ATP9A: variants seen among roughly 807,000 people sequenced by gnomAD.
ATP9A encodes the protein probable phospholipid-transporting ATPase IIA.
Under a neutral mutation model 144.1 loss-of-function variants are expected in ATP9A, and 52 were observed. The ratio of observed to expected loss-of-function variants is 0.36; its 90% confidence interval spans 0.29 to 0.45. The LOEUF (loss-of-function observed/expected upper bound fraction) is 0.45. Ranked by LOEUF, ATP9A falls within the 20% of genes least tolerant of loss-of-function variation. The probability of loss-of-function intolerance (pLI) is 1.00; values close to 1 mark genes in which losing one functional copy is unlikely to be tolerated. For synonymous variants in ATP9A, 582 were observed against 557.4 expected, an observed-to-expected ratio of 1.04 and a Z score of -0.62; for missense variants, 947 against 1,392.7, an observed-to-expected ratio of 0.68 and a Z score of 5.09.
At chr20:51,677,681 C>G (rs1052915476) in intron 9 of ATP9A, among the ~76,000 whole-genome samples, 1 of 152,122 alleles carries the variant, frequency 6.6e-6, no homozygotes, top group African/African-American at 2.4e-5. Context: ...TCTAACTTGC[C>G]CATTTGGGGA....
chr20:51,632,719 A>G (rs1489739928), intron 15 of ATP9A, among the ~76,000 whole-genome samples: 1 of 152,166 alleles, frequency 6.6e-6, no homozygotes, highest in Non-Finnish European at 1.5e-5. Context: ...CACCAACCCA[A>G]CCAAAGATAA....
At chr20:51,682,283 T>C (rs112423559) in intron 9 of ATP9A, among the ~76,000 whole-genome samples, 1,967 of 152,170 alleles carry the variant, frequency 0.013, 17 homozygotes, top group Non-Finnish European at 0.019. Flanking sequence ...CCAAGCACTA[T>C]GTTTAGGATT....
intron 14 of ATP9A, among the ~76,000 whole-genome samples, chr20:51,641,668 A>G (rs1000224473): frequency 1.4e-5 from 2 of 145,696 alleles, no homozygotes; most frequent in Non-Finnish European, 3.1e-5. Flanking sequence ...AATAAAAATA[A>G]AAAAAATAAA....
intron 1 of ATP9A, among the ~76,000 whole-genome samples, chr20:51,753,718 G>A (rs560046792): frequency 4.8e-5 from 7 of 146,976 alleles, no homozygotes; most frequent in Admixed American, 4.1e-4. Context: ...CCAGGCTAGA[G>A]AGCAGTGGCA....
At chr20:51,712,142 T>C (rs979063143) in intron 4 of ATP9A, among the ~76,000 whole-genome samples, 1 of 148,074 alleles carries the variant, frequency 6.8e-6, no homozygotes, top group Admixed American at 6.7e-5. Context: ...GCGCGGTCTA[T>C]GCTCACTGCA....
At chr20:51,617,369 G>A in intron 22 of ATP9A, 121 bp downstream of exon 22, 2 of 1,044,224 alleles carry the variant, frequency 1.9e-6, no homozygotes, top group Non-Finnish European at 2.9e-6. Context: ...TGTGACACAT[G>A]ATTCCTTATG....
chr20:51,633,823 G>T (rs1673588493), intron 15 of ATP9A, among the ~76,000 whole-genome samples: 1 of 148,562 alleles, frequency 6.7e-6, no homozygotes, highest in Non-Finnish European at 1.5e-5. Flanking sequence ...CAGAAGAAGG[G>T]AAAGAGGGAG....
Position 51,644,323 on chromosome 20 carries a change from A to G in ATP9A, c.1507-4819T>C, listed in dbSNP as rs1226663445. ...AGTCTCACTCTTTTGCCCAGGTTGG[A>G]GTGCAGTGGCGCGATCTCGGCTCAC... On this transcript the variant is annotated intron_variant, in intron 14 of 27. Transcript: ENST00000338821. Among the ~76,000 whole-genome samples, 17 of 115,834 alleles carry G rather than the reference A, an allele frequency of 1.5e-4. No individual in the cohort carries two copies. In the East Asian group the frequency reaches 1.8e-3, roughly 13 times the overall value. The allele number at this position is 115,834 out of a possible 152,430, so 76.0% of individuals were successfully genotyped here.
intron 1 of ATP9A, among the ~76,000 whole-genome samples, chr20:51,745,756 A>G (rs2077805448): frequency 6.6e-6 from 1 of 152,116 alleles, no homozygotes; most frequent in Non-Finnish European, 1.5e-5. Context: ...TCTATACTGC[A>G]CCATCATCCA....
chr20:51,736,745 A>G (rs2077764619), intron 1 of ATP9A, among the ~76,000 whole-genome samples: 1 of 152,094 alleles, frequency 6.6e-6, no homozygotes. Flanking sequence ...AAGGTATATG[A>G]GTTATGTCTC....
intron 13 of ATP9A, among the ~76,000 whole-genome samples, chr20:51,665,814 G>T (rs2122780967): frequency 6.6e-6 from 1 of 151,948 alleles, no homozygotes; most frequent in African/African-American, 2.4e-5. Context: ...CTCTCCTAAT[G>T]TGTTGGCCAT....
intron 22 of ATP9A, among the ~76,000 whole-genome samples, chr20:51,614,864 G>A (rs1057224404): frequency 1.3e-5 from 2 of 152,094 alleles, no homozygotes; most frequent in East Asian, 3.9e-4. Flanking sequence ...AGAGAAACGT[G>A]TTCTACAATA....
chr20:51,687,787 G>C (rs1259346595), intron 9 of ATP9A, among the ~76,000 whole-genome samples: 1 of 151,428 alleles, frequency 6.6e-6, no homozygotes, highest in East Asian at 1.9e-4. Flanking sequence ...ATGAATGAAT[G>C]AATGAATGAA....
rs1487338188 is a variant in ATP9A, at chr20:51,674,305, C to T, written c.885G>A (p.Leu295=). 1.2e-6 allele frequency: 2 copies of T among 1,613,240 alleles called. No individual in the cohort carries two copies. Among genetic ancestry groups the T allele is most frequent in the South Asian group, 2.2e-5 (2 of 91,052 alleles). The change falls in exon 11 of 28, where the codon CTG becomes CTA. Residue 295 remains leucine, a synonymous_variant. Coordinates refer to ENST00000338821, the MANE Select transcript of ATP9A (RefSeq NM_006045.3). ...TGAGGCAGTTCACTTCCAAGTCGAA[C>T]AGGCCGATCTGTGGGACGAAGCACA... is the stretch of plus-strand genomic sequence containing the variant. The part of the protein sequence containing the change: ...NTSNPRSKIG[L]FDLEVNCLTK...
chr20:51,631,651 T>C (rs550038921), intron 15 of ATP9A, among the ~76,000 whole-genome samples: 1 of 152,176 alleles, frequency 6.6e-6, no homozygotes, highest in Non-Finnish European at 1.5e-5. Context: ...CTGTGTGGCA[T>C]TGTTTGGGGG....
Position 51,601,103 on chromosome 20 carries a change from G to C in ATP9A, c.*108C>G. The C allele has an allele frequency of 7.4e-7, 1 of 1,357,936 alleles. No individual in the cohort carries two copies. The highest frequency in any genetic ancestry group is 9.9e-7 in the Non-Finnish European group (1 of 1,007,680). 84.1% of individuals were successfully genotyped at this position (1,357,936 alleles called of 1,614,324 possible). A position where few individuals can be genotyped will look rare whatever the true frequency, so the allele number is the denominator to read the frequency against. The stretch of plus-strand genomic sequence containing the variant: ...GCCACTTCCCATTAAAACTGCATGT[G>C]TTAGCAATTACTGCAAAATCCACAG... On this transcript the variant is annotated 3_prime_UTR_variant, in exon 28 of 28. Coordinates refer to ENST00000338821, the MANE Select transcript of ATP9A (RefSeq NM_006045.3).
intron 13 of ATP9A, among the ~76,000 whole-genome samples, chr20:51,658,892 G>GGGGGGGGGGT (rs2077399331): frequency 9.2e-6 from 1 of 109,222 alleles, no homozygotes; most frequent in African/African-American, 3.7e-5. Flanking sequence ...CACTGGCGGG[G>GGGGGGGGGGT]GGGGGGGGGG....
intron 8 of ATP9A, 124 bp from the exon 9 acceptor site, chr20:51,689,263 T>A (rs1401351330): frequency 1.3e-5 from 12 of 934,616 alleles, no homozygotes; most frequent in Non-Finnish European, 1.6e-5. Context: ...GGAAGCCCAG[T>A]TTGGAAGCCG....
chr20:51,756,017 A>G (rs993528473), intron 1 of ATP9A, among the ~76,000 whole-genome samples: 1 of 152,256 alleles, frequency 6.6e-6, no homozygotes, highest in East Asian at 1.9e-4. Context: ...TAAAAGCTTA[A>G]TAACACTAAG....
Sources: gnomAD v4.1 joint callset for allele counts (sites outside exome capture counted in the v4.1 genomes callset) on GRCh38, gnomAD v4.1.1 for gene constraint, MANE v1.5 for transcripts, NCBI Gene and HGNC (gene_info 2026-07-23, HGNC 2026-07-21) for gene names.